MAP1B: variants seen among roughly 807,000 people sequenced by gnomAD.
The protein encoded by MAP1B is microtubule associated protein 1B.
A neutral mutation model predicts 176.1 loss-of-function variants in MAP1B; 12 were observed. The observed-to-expected ratio is 0.07, with a 90% CI of 0.04 to 0.11. The LOEUF is 0.11. MAP1B is among the 10% of genes least tolerant of loss of function. The probability of loss-of-function intolerance (pLI) is 1.00; values close to 1 mark genes in which losing one functional copy is unlikely to be tolerated. For synonymous variants in MAP1B, 1,044 were observed against 1,135.0 expected, an observed-to-expected ratio of 0.92 and a Z score of 1.61; for missense variants, 2,523 against 2,990.5, an observed-to-expected ratio of 0.84 and a Z score of 3.65.
chr5:72,109,868 G>C (rs182961127), intron 1 of MAP1B, among the ~76,000 whole-genome samples: 3 of 152,316 alleles, frequency 2.0e-5, no homozygotes, highest in Admixed American at 2.0e-4. Flanking sequence ...ATCACCTTCG[G>C]ATCGTAATTA....
At chr5:72,139,678 G>T (rs566877790) in intron 2 of MAP1B, among the ~76,000 whole-genome samples, 312 of 152,302 alleles carry the variant, frequency 2.0e-3, no homozygotes, top group African/African-American at 7.2e-3. Context: ...TGATTCTCTT[G>T]TGGAGGTTAT....
At position 72,186,576 on chromosome 5, in the gene MAP1B, C is replaced by T; in HGVS notation, c.370-38C>T. ...TCCTGAAGGTGGGATGGCAGCACTG[C>T]CCATGGCTCAGGGCCTACGTTCTGT... is the stretch of plus-strand genomic sequence containing the variant. On this transcript the variant is annotated intron_variant, in intron 3 of 6. Coordinates refer to ENST00000296755, the MANE Select transcript of MAP1B (RefSeq NM_005909.5). The surrounding 1 kb of genome is among the most constrained non-coding windows in gnomAD (Gnocchi z 4.3). 6.2e-7 allele frequency: 1 copy of T among 1,608,834 alleles called. No individual in the cohort carries two copies. Among genetic ancestry groups the T allele is most frequent in the Non-Finnish European group, 8.5e-7 (1 of 1,177,410 alleles).
intron 2 of MAP1B, among the ~76,000 whole-genome samples, chr5:72,152,078 A>G (rs1482306452): frequency 6.6e-6 from 1 of 152,166 alleles, no homozygotes; most frequent in Non-Finnish European, 1.5e-5. Flanking sequence ...CAGGTTTTCC[A>G]CTGAATGTCC....
chr5:72,163,167 G>A (rs1746357868), intron 2 of MAP1B, among the ~76,000 whole-genome samples: 1 of 143,952 alleles, frequency 6.9e-6, no homozygotes, highest in Admixed American at 7.4e-5. Flanking sequence ...GGTGGAGGTT[G>A]TGGTGAGCCA....
chr5:72,155,699 C>T (rs1294392944), intron 2 of MAP1B, among the ~76,000 whole-genome samples: 1 of 150,390 alleles, frequency 6.6e-6, no homozygotes, highest in Non-Finnish European at 1.5e-5. Flanking sequence ...CCTCTCTAGT[C>T]TTGAGTAGCC....
At position 72,209,147 on chromosome 5, in the gene MAP1B, C is replaced by T. The variant is rs1747516555; in HGVS notation, c.*3908C>T. 1.3e-5 allele frequency: 2 copies of T among 152,210 alleles called. No homozygotes were observed. The highest frequency in any genetic ancestry group is 2.9e-5 in the Non-Finnish European group (2 of 68,032). 9.4% of individuals were successfully genotyped at this position (152,210 alleles called of 1,614,324 possible). On this transcript the variant is annotated 3_prime_UTR_variant, in exon 7 of 7. Coordinates refer to ENST00000296755, the MANE Select transcript of MAP1B (RefSeq NM_005909.5). ...AGGGAAAAAATAGGCAGCTTCTCTG[C>T]ACTTGTTTGGAGCTCCCCAAAACAG...
intron 2 of MAP1B, among the ~76,000 whole-genome samples, chr5:72,152,894 G>A (rs1746167841): frequency 6.6e-6 from 1 of 151,978 alleles, no homozygotes; most frequent in African/African-American, 2.4e-5. Flanking sequence ...CATGCTCGCT[G>A]GGCCTGCTGG....
intron 2 of MAP1B, among the ~76,000 whole-genome samples, chr5:72,124,436 A>G (rs1432933801): frequency 2.6e-5 from 4 of 152,268 alleles, no homozygotes; most frequent in African/African-American, 9.6e-5. Flanking sequence ...TAGAAAATGC[A>G]ACAAGAGCGT....
chr5:72,160,159 T>G (rs1746301468), intron 2 of MAP1B, among the ~76,000 whole-genome samples: 1 of 151,468 alleles, frequency 6.6e-6, no homozygotes, highest in Non-Finnish European at 1.5e-5. Flanking sequence ...GGAGGGAGGA[T>G]GTTATTATGG....
intron 2 of MAP1B, among the ~76,000 whole-genome samples, chr5:72,137,606 A>C (rs1745860561): frequency 6.6e-6 from 1 of 152,194 alleles, no homozygotes; most frequent in Non-Finnish European, 1.5e-5. Flanking sequence ...AATAAATAAT[A>C]AAGTTACTCC....
intron 2 of MAP1B, among the ~76,000 whole-genome samples, chr5:72,149,350 G>T (rs776659739): frequency 6.6e-6 from 1 of 152,278 alleles, no homozygotes; most frequent in South Asian, 2.1e-4. Context: ...ATTCCCTTTC[G>T]GGAAAATGTA....
In MAP1B at chr5:72,120,518, G is replaced by A. The variant is rs142184939; in HGVS notation, c.286+4719G>A. Among the ~76,000 whole-genome samples the A allele has an allele frequency of 4.0e-3, 608 of 151,116 alleles. 1 individual carries two copies. Among genetic ancestry groups the A allele is most frequent in the African/African-American group, 0.014 (571 of 41,126 alleles). ...CGGCTCACAGCAAGCTCCGCCTCCC[G>A]GGTTCACACCATTCTCCTGCTTCAG... is the stretch of plus-strand genomic sequence containing the variant. On this transcript the variant is annotated intron_variant, in intron 2 of 6. Transcript: ENST00000296755.
In MAP1B at chr5:72,195,809, C is replaced by T; in HGVS notation, c.2454C>T (p.Gly818=). 1 of 1,614,210 alleles carries T rather than the reference C, an allele frequency of 6.2e-7. No homozygotes were observed. The highest frequency in any genetic ancestry group is 8.5e-7 in the Non-Finnish European group (1 of 1,180,032). The change falls in exon 5 of 7, where the codon GGC becomes GGT. Residue 818 remains glycine (G), a synonymous_variant. Coordinates refer to ENST00000296755, the MANE Select transcript of MAP1B (RefSeq NM_005909.5). ...VMAAAGIAAI[G]PAKELEAERS... ...CGGCAGCTGGAATAGCAGCCATTGGCCCTGCCAAAGAACTCGAAGCTGAGA... is the reference window on the plus strand; with the variant it reads ...CGGCAGCTGGAATAGCAGCCATTGGTCCTGCCAAAGAACTCGAAGCTGAGA...
Position 72,195,528 on chromosome 5 carries a change from G to A in MAP1B, c.2173G>A (p.Glu725Lys), listed in dbSNP as rs1180987546. ...KEEKKEVKKE[E>K]KEPKKEIKKL... ...AGAGAAGAAGGAAGTGAAAAAGGAA[G>A]AAAAGGAACCCAAAAAAGAAATTAA... Residue 725 changes from glutamate to lysine, a missense_variant, in exon 5 of 7, where the codon GAA (glutamate) becomes AAA (lysine). Physicochemically the swap from Glu to Lys is moderately conservative, Grantham distance 56. Coordinates refer to ENST00000296755, the MANE Select transcript of MAP1B (RefSeq NM_005909.5). 6.3e-7 allele frequency: 1 copy of A among 1,587,404 alleles called. No homozygotes were observed. Among genetic ancestry groups the A allele is most frequent in the African/African-American group, 1.4e-5 (1 of 72,842 alleles).
rs762608526 is a variant in MAP1B at position 72,196,041 on chromosome 5, A to G, written c.2686A>G (p.Ile896Val). ...KGPAESPDEGITTTEGEGECE... is the reference protein window; with the variant it reads ...KGPAESPDEGVTTTEGEGECE... ...TCCTGCCGAGTCCCCTGATGAGGGAATCACTACCACTGAAGGGGAGGGCGA... is the reference window on the plus strand; with the variant it reads ...TCCTGCCGAGTCCCCTGATGAGGGAGTCACTACCACTGAAGGGGAGGGCGA... The change falls in exon 5 of 7, where the codon ATC (isoleucine) becomes GTC (valine). Residue 896 changes from isoleucine to valine, a missense_variant. Transcript: ENST00000296755. This position sits in a 1 kb window ranked among gnomAD's most constrained non-coding sequence, Gnocchi z 5.3. 2 of 1,614,102 alleles carry G rather than the reference A, an allele frequency of 1.2e-6. No homozygotes were observed. The highest frequency in any genetic ancestry group is 2.7e-5 in the African/African-American group (2 of 74,942).
At chr5:72,146,344 A>G (rs1182327848) in intron 2 of MAP1B, among the ~76,000 whole-genome samples, 2 of 152,188 alleles carry the variant, frequency 1.3e-5, no homozygotes, top group Non-Finnish European at 2.9e-5. Context: ...TGGGTGAATC[A>G]TGTCCTATGG....
At chr5:72,138,714 T>C (rs761677762) in intron 2 of MAP1B, among the ~76,000 whole-genome samples, 24 of 152,218 alleles carry the variant, frequency 1.6e-4, no homozygotes, top group Non-Finnish European at 2.6e-4. Context: ...CTTCGAAGAA[T>C]CTTTACTGAT....
At position 72,190,318 on chromosome 5, in the gene MAP1B, A is replaced by C. The variant is rs1580015683; in HGVS notation, c.511-3548A>C. Among the ~76,000 whole-genome samples, 3 of 152,344 alleles carry C rather than the reference A, an allele frequency of 2.0e-5. No individual in the cohort carries two copies. The South Asian group carries it at 6.2e-4, about 32-fold the overall frequency. On this transcript the variant is annotated intron_variant, in intron 4 of 6. Transcript: ENST00000296755. ...TGAAACAATTATTAATATACAGTTA[A>C]GTACAGGGCCATGCCAATGAGGTAC...
intron 1 of MAP1B, among the ~76,000 whole-genome samples, chr5:72,111,193 A>G (rs898807606): frequency 3.9e-5 from 6 of 152,326 alleles, no homozygotes; most frequent in African/African-American, 9.6e-5. Context: ...ATTTTAATAC[A>G]TAGAGGACAT....
Sources: gnomAD v4.1 joint callset for allele counts (sites outside exome capture counted in the v4.1 genomes callset) on GRCh38, gnomAD v4.1.1 for gene constraint, Gnocchi (gnomAD v3.1) non-coding constraint, MANE v1.5 for transcripts, NCBI Gene and HGNC (gene_info 2026-07-23, HGNC 2026-07-21) for gene names.